The following ZC2HC1B variants were observed in gnomAD, a reference collection of about 807,000 sequenced individuals.
ZC2HC1B encodes zinc finger C2HC-type containing 1B, also known as zinc finger C2HC domain-containing protein 1B.
In ZC2HC1B, 36 loss-of-function variants were observed where a neutral mutation model predicts 31.0. The ratio of observed to expected loss-of-function variants is 1.16; its 90% confidence interval spans 0.89 to 1.54. The LOEUF (loss-of-function observed/expected upper bound fraction) is 1.54, where lower values mean the gene tolerates loss of function less well. ZC2HC1B is among the 40% of genes most tolerant of loss of function. The pLI is 0.00. For missense variants in ZC2HC1B, 260 were observed against 268.6 expected (o/e 0.97, Z 0.22); for synonymous variants, 73 against 88.0 (o/e 0.83, Z 0.95).
Position 143,885,713 on chromosome 6 carries a change from A to C in ZC2HC1B, c.91-319A>C, listed in dbSNP as rs538611298. On this transcript the variant is annotated intron_variant, in intron 2 of 7. Coordinates refer to ENST00000237275, the MANE Select transcript of ZC2HC1B (RefSeq NM_001013623.3). The surrounding 1 kb of genome is among the most constrained non-coding windows in gnomAD (Gnocchi z 4.2). ...TTAGCTCTTCAGTTTTTGTATCAGAAATGTTGAATACTTGAAGGACTACTG... is the reference window on the plus strand; with the variant it reads ...TTAGCTCTTCAGTTTTTGTATCAGACATGTTGAATACTTGAAGGACTACTG... Among the ~76,000 whole-genome samples, 10 of 152,304 alleles carry C rather than the reference A, an allele frequency of 6.6e-5. No individual in the cohort carries two copies. The highest frequency in any genetic ancestry group is 2.2e-4 in the African/African-American group (9 of 41,528).
At chr6:143,928,955 T>C (rs1006137520) in intron 6 of ZC2HC1B, among the ~76,000 whole-genome samples, 1 of 152,198 alleles carries the variant, frequency 6.6e-6, no homozygotes, top group Admixed American at 6.5e-5. Flanking sequence ...GGAACTTTAC[T>C]GAATTCATTT....
intron 6 of ZC2HC1B, among the ~76,000 whole-genome samples, chr6:143,925,366 G>A (rs1778023417): frequency 6.6e-6 from 1 of 150,750 alleles, no homozygotes; most frequent in African/African-American, 2.4e-5. Flanking sequence ...TAGTAGAGAC[G>A]GGGTTTCACT....
intron 1 of ZC2HC1B, among the ~76,000 whole-genome samples, chr6:143,881,324 G>C (rs1777463015): frequency 6.6e-6 from 1 of 152,036 alleles, no homozygotes; most frequent in African/African-American, 2.4e-5. Context: ...GCCAAGGTGG[G>C]AGGACTGCTT....
At chr6:143,904,917 C>G (rs1443479977) in intron 6 of ZC2HC1B, among the ~76,000 whole-genome samples, 1 of 152,156 alleles carries the variant, frequency 6.6e-6, no homozygotes. Flanking sequence ...GGACTCTATT[C>G]TATTTCATTG....
chr6:143,936,227 T>C (rs2128498219), intron 6 of ZC2HC1B, among the ~76,000 whole-genome samples: 1 of 152,322 alleles, frequency 6.6e-6, no homozygotes, highest in East Asian at 1.9e-4. Flanking sequence ...AAAGAGCACC[T>C]GGTATTAAGT....
chr6:143,867,837 A>C (rs893644732), intron 1 of ZC2HC1B, among the ~76,000 whole-genome samples: 1 of 152,178 alleles, frequency 6.6e-6, no homozygotes, highest in Non-Finnish European at 1.5e-5. Context: ...GTGCCCAGCT[A>C]TCATACTGGG....
At chr6:143,914,865 A>G (rs1190123497) in intron 6 of ZC2HC1B, among the ~76,000 whole-genome samples, 1 of 152,020 alleles carries the variant, frequency 6.6e-6, no homozygotes, top group Non-Finnish European at 1.5e-5. Flanking sequence ...ATCTTTTTCC[A>G]TCCTTTCAAT....
chr6:143,932,433 T>G (rs773078625), intron 6 of ZC2HC1B, among the ~76,000 whole-genome samples: 26 of 152,214 alleles, frequency 1.7e-4, no homozygotes, highest in Admixed American at 1.3e-3. Flanking sequence ...TTCTTCTACT[T>G]GTTTGATTCT....
In ZC2HC1B at chr6:143,937,750, A is replaced by ACCG. The variant is rs1313754662; in HGVS notation, c.*14+19_*14+21dup. 2 of 1,516,016 alleles carry ACCG rather than the reference A, an allele frequency of 1.3e-6. No individual in the cohort carries two copies. The highest frequency in any genetic ancestry group is 2.8e-5 in the African/African-American group (2 of 71,716). The allele number at this position is 1,516,016 out of a possible 1,614,324, so 93.9% of individuals were successfully genotyped here. ...AGAAGCCAGGTAAGAAAAAAAAATC[A>ACCG]CCGCTAATCCAGCTGTTGCTGACCA... On this transcript the variant is annotated intron_variant, in intron 7 of 7. Transcript: ENST00000237275.
Position 143,895,912 on chromosome 6 carries a change from C to T in ZC2HC1B, c.350-2640C>T, listed in dbSNP as rs1777659722. Among the ~76,000 whole-genome samples, 1 of 152,128 alleles carries T rather than the reference C, an allele frequency of 6.6e-6. No individual in the cohort carries two copies. The highest frequency in any genetic ancestry group is 1.9e-4 in the East Asian group (1 of 5,200). ...ATAGGACATGGTGATTTTATGAAAA[C>T]ATTATTGATAGAGGAAGAGAGGTGA... On this transcript the variant is annotated intron_variant, in intron 4 of 7. Coordinates refer to ENST00000237275, the MANE Select transcript of ZC2HC1B (RefSeq NM_001013623.3). This position sits in a 1 kb window ranked among gnomAD's most constrained non-coding sequence, Gnocchi z 4.8.
At chr6:143,931,945 A>G (rs1445886216) in intron 6 of ZC2HC1B, among the ~76,000 whole-genome samples, 2 of 144,712 alleles carry the variant, frequency 1.4e-5, no homozygotes, top group Non-Finnish European at 3.0e-5. Context: ...GCTCACTGCA[A>G]CCTCCACCTC....
Position 143,935,674 on chromosome 6 carries a change from T to TG in ZC2HC1B, c.599-1974dup, listed in dbSNP as rs1554242495. On this transcript the variant is annotated intron_variant, in intron 6 of 7. Coordinates refer to ENST00000237275, the MANE Select transcript of ZC2HC1B (RefSeq NM_001013623.3). ...TTTTTTTTTTTTTTTTTTTTTTTTT[T>TG]GAGACAGGATCTCTCTGTCGCCCAG... Among the ~76,000 whole-genome samples, 210 of 120,666 alleles carry TG rather than the reference T, an allele frequency of 1.7e-3. 10 individuals carry two copies. The highest frequency in any genetic ancestry group is 3.6e-3 in the South Asian group (12 of 3,358). The allele number at this position is 120,666 out of a possible 152,430, so 79.2% of individuals were successfully genotyped here.
At chr6:143,867,536 A>C (rs1229397952) in intron 1 of ZC2HC1B, among the ~76,000 whole-genome samples, 3 of 152,186 alleles carry the variant, frequency 2.0e-5, no homozygotes, top group African/African-American at 7.2e-5. Flanking sequence ...TTCTTGTTTT[A>C]TATTTTCTGC....
At chr6:143,900,460 C>A (rs1777724031) in intron 5 of ZC2HC1B, among the ~76,000 whole-genome samples, 1 of 151,124 alleles carries the variant, frequency 6.6e-6, no homozygotes, top group Non-Finnish European at 1.5e-5. Context: ...AGACAGGCAG[C>A]CAGAACTAGA....
At chr6:143,892,915 A>C (rs757144036) in intron 4 of ZC2HC1B, among the ~76,000 whole-genome samples, 5 of 152,172 alleles carry the variant, frequency 3.3e-5, no homozygotes, top group African/African-American at 4.8e-5. Context: ...TAAAAAAAGG[A>C]AATTAGTAAA....
At position 143,915,562 on chromosome 6, in the gene ZC2HC1B, T is replaced by C. The variant is rs1777907299; in HGVS notation, c.598+12410T>C. The stretch of plus-strand genomic sequence containing the variant: ...AAAAGGCAGGAAAATGTGAGAAAGT[T>C]TGGAACTTCCTAGAGACTTGTTGAA... On this transcript the variant is annotated intron_variant, in intron 6 of 7. Transcript: ENST00000237275. The surrounding 1 kb of genome is among the most constrained non-coding windows in gnomAD (Gnocchi z 5.2). 6.6e-6 allele frequency among the ~76,000 whole-genome samples: 1 copy of C among 152,200 alleles called. No homozygotes were observed. Among genetic ancestry groups the C allele is most frequent in the South Asian group, 2.1e-4 (1 of 4,830 alleles).
At chr6:143,919,358 A>T (rs1268847220) in intron 6 of ZC2HC1B, among the ~76,000 whole-genome samples, 1 of 151,250 alleles carries the variant, frequency 6.6e-6, no homozygotes, top group South Asian at 2.1e-4. Context: ...TGGGTGTGTC[A>T]TGTTCACCTT....
chr6:143,888,930 C>T (rs998650719), intron 4 of ZC2HC1B, among the ~76,000 whole-genome samples: 3 of 151,880 alleles, frequency 2.0e-5, no homozygotes, highest in Non-Finnish European at 4.4e-5. Context: ...CGTACTATAT[C>T]GAATAGGAGT....
intron 6 of ZC2HC1B, among the ~76,000 whole-genome samples, chr6:143,928,446 CTTCTA>C (rs1582977680): frequency 1.3e-5 from 2 of 151,978 alleles, no homozygotes; most frequent in South Asian, 4.1e-4. Context: ...ATTTCTGGGT[CTTCTA>C]TTCTGTTCTG....
Sources: allele counts gnomAD v4.1 joint callset (sites outside exome capture counted in the v4.1 genomes callset), GRCh38; gene constraint gnomAD v4.1.1; non-coding constraint Gnocchi (gnomAD v3.1); transcripts MANE v1.5; gene names NCBI Gene and HGNC (gene_info 2026-07-23, HGNC 2026-07-21).